Variants in SYS1 observed in about 807,000 individuals in gnomAD.
SYS1 encodes the protein protein SYS1 homolog.
SYS1 carries 8 observed loss-of-function variants against 17.8 expected under a neutral mutation model. The observed-to-expected ratio is 0.45, with a 90% CI of 0.26 to 0.81. The LOEUF is 0.81. SYS1 is among the 40% of genes least tolerant of loss of function. The probability of loss-of-function intolerance (pLI) is 0.16; values close to 1 mark genes in which losing one functional copy is unlikely to be tolerated. For synonymous variants in SYS1, 95 were observed against 90.9 expected (o/e 1.05, Z -0.26); for missense variants, 161 against 203.9 (o/e 0.79, Z 1.28).
exon 4 of SYS1, chr20:45,375,968 T>G: frequency 5.9e-6 from 1 of 168,902 alleles, no homozygotes; most frequent in South Asian, 1.7e-4. Flanking sequence ...CCCCAGCTCA[T>G]AACAACACAA....
At chr20:45,374,777 C>G (rs747287684) in exon 4 of SYS1, 8 of 515,278 alleles carry the variant, frequency 1.6e-5, no homozygotes, top group Non-Finnish European at 2.7e-5. Flanking sequence ...GGCCTTCAGG[C>G]AGTGAGATGG....
intron 2 of SYS1, chr20:45,365,156 T>G (rs1988368910): frequency 3.8e-6 from 1 of 264,726 alleles, no homozygotes; most frequent in African/African-American, 2.2e-5. Context: ...ACCTTTCCTT[T>G]AAGGGTGAAG....
At chr20:45,373,791 A>C, downstream of SYS1, 1 of 971,334 alleles carries the variant, frequency 1.0e-6, no homozygotes, top group Non-Finnish European at 1.6e-6. Flanking sequence ...GGGTGGGGGA[A>C]GCCTGAAGTC....
At position 45,375,606 on chromosome 20, in the gene SYS1, G is replaced by A. The variant is rs537097359; in HGVS notation, c.*1312G>A. 30 of 1,549,100 alleles carry A rather than the reference G, an allele frequency of 1.9e-5. No individual in the cohort carries two copies. In the East Asian group the frequency reaches 4.9e-4, roughly 25 times the overall value. On this transcript the variant is annotated 3_prime_UTR_variant, in exon 4 of 4. Coordinates refer to the SYS1 transcript ENST00000426004. ...CAGCAGGACCGAGGCCCTGGTTCCCGAGACAGTTGCTATGTAGCCAGCTCA... is the reference window on the plus strand; with the variant it reads ...CAGCAGGACCGAGGCCCTGGTTCCCAAGACAGTTGCTATGTAGCCAGCTCA...
chr20:45,369,240 T>G (rs2145358296), downstream of SYS1: 1 of 152,318 alleles, frequency 6.6e-6, no homozygotes. Context: ...CTGAGTGCTT[T>G]ATGTCTCTTT....
intron 2 of SYS1, 94 bp downstream of exon 2, chr20:45,363,787 C>CGGTG: frequency 7.5e-7 from 1 of 1,340,392 alleles, no homozygotes; most frequent in Non-Finnish European, 1.0e-6. Flanking sequence ...GCTGGGTCAC[C>CGGTG]TTCTTTCTTT....
At chr20:45,371,676 G>A (rs1988563708), downstream of SYS1, among the ~76,000 whole-genome samples, 3 of 152,210 alleles carry the variant, frequency 2.0e-5, no homozygotes, top group Admixed American at 2.0e-4. Flanking sequence ...GACAGTCTTA[G>A]GGATCTAAAT....
chr20:45,366,759 C>A, intron 3 of SYS1, 116 bp from the exon 4 acceptor site: 1 of 851,230 alleles, frequency 1.2e-6, no homozygotes, highest in Non-Finnish European at 1.9e-6. Flanking sequence ...ACCCTTGCTT[C>A]ACACTTATCT....
chr20:45,372,646 A>T (rs1036892143), downstream of SYS1: 2 of 152,244 alleles, frequency 1.3e-5, no homozygotes, highest in African/African-American at 4.8e-5. Flanking sequence ...GAGACTGTTC[A>T]GGAAATGGGC....
In SYS1 at chr20:45,363,265, C is replaced by T; in HGVS notation, c.-54C>T. The T allele has an allele frequency of 8.2e-7, 1 of 1,224,406 alleles. No homozygotes were observed. Among genetic ancestry groups the T allele is most frequent in the South Asian group, 2.5e-5 (1 of 40,798 alleles). 75.8% of individuals were successfully genotyped at this position (1,224,406 alleles called of 1,614,324 possible). A position where few individuals can be genotyped will look rare whatever the true frequency, so the allele number is the denominator to read the frequency against. ...CTGTCAGCGCTGTTTTGGGAGCCCG[C>T]CGGTGAGGCCGGGCCACGCTCAGAC... On this transcript the variant is annotated 5_prime_UTR_variant, in exon 1 of 4. Coordinates refer to ENST00000243918, the MANE Select transcript of SYS1 (RefSeq NM_033542.4).
rs1379152775 is a variant in SYS1, at chr20:45,367,044, G to A, written c.400G>A (p.Gly134Arg). 6.2e-7 allele frequency: 1 copy of A among 1,614,146 alleles called. No individual in the cohort carries two copies. Among genetic ancestry groups the A allele is most frequent in the Non-Finnish European group, 8.5e-7 (1 of 1,180,036 alleles). ...AVCIALMAVI[G>R]EYLCMRTELK... ...GTGCATTGCACTCATGGCTGTCATC[G>A]GGGAGTACCTGTGCATGCGGACGGA... is the stretch of plus-strand genomic sequence containing the variant. The change falls in exon 4 of 4, where the codon GGG (glycine) becomes AGG (arginine). Residue 134 changes from glycine to arginine, a missense_variant. By Grantham distance (125) the Gly-to-Arg change is moderately radical. Transcript: ENST00000243918.
At chr20:45,374,508 G>T (rs1988661663) in exon 4 of SYS1, 1 of 533,552 alleles carries the variant, frequency 1.9e-6, no homozygotes, top group Non-Finnish European at 3.3e-6. Flanking sequence ...CTGGCCTCAA[G>T]CAGTCTTCCT....
chr20:45,366,586 C>T (rs1988421861), intron 3 of SYS1, among the ~76,000 whole-genome samples: 2 of 152,142 alleles, frequency 1.3e-5, no homozygotes, highest in Non-Finnish European at 2.9e-5. Flanking sequence ...ATGCAAGTAG[C>T]TACTGCCCCC....
exon 4 of SYS1, chr20:45,375,590 C>G: frequency 6.4e-7 from 1 of 1,567,706 alleles, no homozygotes; most frequent in Non-Finnish European, 8.6e-7. Context: ...ACAGCAGGAC[C>G]GAGGCCCTGG....
downstream of SYS1, chr20:45,373,801 C>T (rs1988631383): frequency 1.8e-6 from 2 of 1,114,284 alleles, no homozygotes; most frequent in Non-Finnish European, 2.7e-6. Flanking sequence ...AGCCTGAAGT[C>T]GCGACACAGG....
exon 4 of SYS1, chr20:45,375,696 G>A (rs1988710960): frequency 3.0e-6 from 3 of 1,011,956 alleles, no homozygotes; most frequent in African/African-American, 3.2e-5. Flanking sequence ...CAGAGGCCTT[G>A]TGCTGGTGTG....
upstream of SYS1, among the ~76,000 whole-genome samples, chr20:45,362,766 A>C (rs534484840): frequency 2.6e-5 from 4 of 152,132 alleles, no homozygotes; most frequent in Non-Finnish European, 5.9e-5. Context: ...GTACAGCGGG[A>C]ACATTGGCAA....
chr20:45,365,421 C>T (rs1302813841), intron 2 of SYS1, 198 bp from the exon 3 acceptor site: 5 of 712,404 alleles, frequency 7.0e-6, no homozygotes, highest in Non-Finnish European at 1.3e-5. Context: ...TCCCTTTCCA[C>T]CTGCTGTGAG....
rs707576 is a variant in SYS1 at position 45,367,826 on chromosome 20, C to T, written c.*711C>T. ...CATAGGACCCAGAGAAGAATCCCAG[C>T]GTTGCTCAAAGTCTAACCATCATAA... On this transcript the variant is annotated 3_prime_UTR_variant, in exon 4 of 4. Transcript: ENST00000243918. 630,855 of 985,714 alleles carry T rather than the reference C, an allele frequency of 0.64. 203,413 individuals are homozygous for T. Among genetic ancestry groups the T allele is most frequent in the African/African-American group, 0.73 (41,957 of 57,292 alleles). 61.1% of individuals were successfully genotyped at this position (985,714 alleles called of 1,614,324 possible). A position where few individuals can be genotyped will look rare whatever the true frequency, so the allele number is the denominator to read the frequency against.
Sources: allele counts gnomAD v4.1 joint callset (sites outside exome capture counted in the v4.1 genomes callset), GRCh38; gene constraint gnomAD v4.1.1; transcripts MANE v1.5; gene names NCBI Gene and HGNC (gene_info 2026-07-23, HGNC 2026-07-21).